The following CAPS2 variants were observed in gnomAD, a reference collection of about 807,000 sequenced individuals.
CAPS2 encodes the protein calcyphosin-2.
In CAPS2, 98 loss-of-function variants were observed where a neutral mutation model predicts 86.5. The ratio of observed to expected loss-of-function variants is 1.13; its 90% CI spans 0.96 to 1.34. CAPS2 has a LOEUF of 1.34. CAPS2 is among the 40% of genes most tolerant of loss of function. The pLI, the probability that CAPS2 is intolerant of heterozygous loss-of-function variation, is 0.00. For synonymous variants in CAPS2, 210 were observed against 225.1 expected (o/e 0.93, Z 0.60); for missense variants, 729 against 686.8 (o/e 1.06, Z -0.69).
intron 5 of CAPS2, 52 bp downstream of exon 5, chr12:75,321,348 T>C (rs1393062766): frequency 1.6e-5 from 18 of 1,102,496 alleles, no homozygotes; most frequent in South Asian, 1.1e-4. Context: ...TTCTGTAATA[T>C]GTGCAGTTTT....
At chr12:75,279,663 A>G (rs1479037547) in intron 16 of CAPS2, among the ~76,000 whole-genome samples, 1 of 152,044 alleles carries the variant, frequency 6.6e-6, no homozygotes, top group Admixed American at 6.6e-5. Context: ...GAATATTAAG[A>G]AGTTTGCTTT....
upstream of CAPS2, chr12:75,334,126 A>G (rs2041540172): frequency 6.6e-6 from 1 of 152,220 alleles, no homozygotes; most frequent in South Asian, 2.1e-4. Flanking sequence ...TTATCTATCT[A>G]AGCATTCGGT....
At chr12:75,334,564 C>T, upstream of CAPS2, 6 of 1,418,918 alleles carry the variant, frequency 4.2e-6, no homozygotes, top group African/African-American at 1.4e-5. Flanking sequence ...GCCTGTTCTT[C>T]CCCACAGCGA....
At chr12:75,348,181 TTAAAGGGAAACTCCAAAAATGAAATTC>T (rs2042579002) in intron 1 of CAPS2, among the ~76,000 whole-genome samples, 1 of 152,162 alleles carries the variant, frequency 6.6e-6, no homozygotes, top group Non-Finnish European at 1.5e-5. Flanking sequence ...TAGCATAAGC[TTAAAGGGAAACTCCAAAAATGAAATTC>T]TAGTCCTCTA....
chr12:75,373,161 G>A (rs186789529), intron 1 of CAPS2, among the ~76,000 whole-genome samples: 56 of 152,322 alleles, frequency 3.7e-4, no homozygotes, highest in African/African-American at 1.3e-3. Context: ...CAGCCTTGGT[G>A]AGTGGAAGTC....
chr12:75,333,301 T>C (rs982306280), upstream of CAPS2, among the ~76,000 whole-genome samples: 8 of 152,162 alleles, frequency 5.3e-5, no homozygotes, highest in African/African-American at 1.9e-4. Context: ...GAGAGAACTT[T>C]ACATATATAA....
chr12:75,339,941 A>G (rs2041990816), intron 1 of CAPS2, among the ~76,000 whole-genome samples: 1 of 151,984 alleles, frequency 6.6e-6, no homozygotes, highest in Admixed American at 6.6e-5. Flanking sequence ...TGAGTCCCCA[A>G]AGTCCATCAT....
chr12:75,330,217 G>A (rs1441188022), upstream of CAPS2, among the ~76,000 whole-genome samples: 3 of 152,208 alleles, frequency 2.0e-5, no homozygotes, highest in Non-Finnish European at 4.4e-5. Flanking sequence ...GACCGGAACT[G>A]AGCTTGTGGC....
downstream of CAPS2, chr12:75,277,055 G>C (rs2033056405): frequency 5.1e-6 from 5 of 984,572 alleles, no homozygotes; most frequent in South Asian, 9.4e-5. Context: ...ATGATTTACT[G>C]TGTCACCAAT....
chr12:75,314,705 C>A (rs1025609733), intron 6 of CAPS2, among the ~76,000 whole-genome samples: 1 of 152,000 alleles, frequency 6.6e-6, no homozygotes, highest in African/African-American at 2.4e-5. Flanking sequence ...AGATCCACAT[C>A]GGCTGAACAC....
chr12:75,339,070 C>T (rs117708357), intron 1 of CAPS2, among the ~76,000 whole-genome samples: 2 of 152,262 alleles, frequency 1.3e-5, no homozygotes, highest in Non-Finnish European at 2.9e-5. Context: ...TATACATGTG[C>T]ATGTATGCTT....
chr12:75,312,743 G>T lies in CAPS2; in HGVS notation c.659+105C>A, dbSNP rs2039360914. On this transcript the variant is annotated intron_variant, in intron 7 of 16. Transcript: ENST00000393284. ...AAACAGAGAAAGTTTGGGAACCTCT[G>T]AGTTAGCCACCCTTTAATTGACCAA... is the stretch of plus-strand genomic sequence containing the variant. 4.4e-6 allele frequency: 3 copies of T among 682,792 alleles called. No homozygotes were observed. In the African/African-American group the frequency reaches 5.4e-5, roughly 12 times the overall value. 42.3% of individuals were successfully genotyped at this position (682,792 alleles called of 1,614,324 possible).
At chr12:75,334,415 G>A, upstream of CAPS2, 1 of 1,084,686 alleles carries the variant, frequency 9.2e-7, no homozygotes, top group Non-Finnish European at 1.1e-6. Flanking sequence ...ATTGCAATCT[G>A]TATTACAATC....
intron 7 of CAPS2, among the ~76,000 whole-genome samples, chr12:75,312,512 G>T (rs961260208): frequency 6.6e-6 from 1 of 152,160 alleles, no homozygotes; most frequent in East Asian, 1.9e-4. Context: ...GTGCCCATAA[G>T]ATGCATACAG....
chr12:75,309,454 T>A (rs2038907001), intron 7 of CAPS2, among the ~76,000 whole-genome samples: 1 of 152,250 alleles, frequency 6.6e-6, no homozygotes, highest in Non-Finnish European at 1.5e-5. Context: ...TTCATCAAAA[T>A]ATAATCCTGT....
At chr12:75,323,971 A>G (rs1277222550) in intron 2 of CAPS2, among the ~76,000 whole-genome samples, 5 of 152,216 alleles carry the variant, frequency 3.3e-5, no homozygotes, top group Non-Finnish European at 7.3e-5. Flanking sequence ...GGCAAATGCT[A>G]CAAATAGGAC....
upstream of CAPS2, chr12:75,329,900 G>GCA: frequency 6.5e-7 from 1 of 1,538,650 alleles, no homozygotes; most frequent in Admixed American, 2.0e-5. Flanking sequence ...CAGGCGAGGG[G>GCA]CACAAGAGAC....
chr12:75,308,539 T>G (rs2038776418), intron 7 of CAPS2, among the ~76,000 whole-genome samples: 1 of 152,194 alleles, frequency 6.6e-6, no homozygotes, highest in Non-Finnish European at 1.5e-5. Context: ...TCCAATTCTT[T>G]GTTCAAAGTG....
chr12:75,326,342 A>G (rs2040779988), intron 1 of CAPS2, 76 bp downstream of exon 2: 1 of 596,302 alleles, frequency 1.7e-6, no homozygotes, highest in Non-Finnish European at 3.0e-6. Context: ...ATAAGTAGTC[A>G]TAAAACATGA....
Sources: allele counts gnomAD v4.1 joint callset (sites outside exome capture counted in the v4.1 genomes callset), GRCh38; gene constraint gnomAD v4.1.1; transcripts MANE v1.5; gene names NCBI Gene and HGNC (gene_info 2026-07-23, HGNC 2026-07-21).